SEC24C: variants seen among roughly 807,000 people sequenced by gnomAD.
The protein encoded by SEC24C is SEC24 homolog C, COPII component.
In SEC24C, 22 loss-of-function variants were observed where a neutral mutation model predicts 117.0. The observed-to-expected ratio is 0.19, with a 90% CI of 0.13 to 0.27. The LOEUF is 0.27. Among genes scored for constraint, SEC24C ranks in the 10% least tolerant of loss-of-function variants. SEC24C has a pLI of 1.00. For synonymous variants in SEC24C, 506 were observed against 529.4 expected, an observed-to-expected ratio of 0.96 and a Z score of 0.61; for missense variants, 1,155 against 1,375.1, an observed-to-expected ratio of 0.84 and a Z score of 2.53.
intron 13 of SEC24C, 94 bp downstream of exon 13, chr10:73,766,947 T>TCTGTAGACAGTA (rs2132571007): frequency 2.9e-6 from 4 of 1,384,832 alleles, no homozygotes; most frequent in East Asian, 4.6e-5. Flanking sequence ...CAGTAGTGGG[T>TCTGTAGACAGTA]GACTGTCCAG....
At chr10:73,761,565 A>G (rs2082796717) in intron 6 of SEC24C, among the ~76,000 whole-genome samples, 1 of 152,132 alleles carries the variant, frequency 6.6e-6, no homozygotes, top group Non-Finnish European at 1.5e-5. Flanking sequence ...TTACCTTGCC[A>G]TGCTTAGCCA....
Position 73,766,382 on chromosome 10 carries a change from T to C in SEC24C, c.1640T>C (p.Val547Ala). 6.2e-7 allele frequency: 1 copy of C among 1,611,776 alleles called. No homozygotes were observed. The highest frequency in any genetic ancestry group is 1.3e-5 in the African/African-American group (1 of 74,990). Residue 547 changes from valine to alanine, a missense_variant, in exon 12 of 23, where the codon GTT (valine) becomes GCT (alanine). Val to Ala is a moderately conservative substitution (Grantham distance 64). Coordinates refer to ENST00000345254, the MANE Select transcript of SEC24C (RefSeq NM_198597.3). Reference sequence around the variant, plus strand: ...GGGGCAGAAGAGTCAGCAATCCGCGTTGGCTTTGTCACCTACAATAAGGTG... The same window carrying C: ...GGGGCAGAAGAGTCAGCAATCCGCGCTGGCTTTGTCACCTACAATAAGGTG... ...EGGAEESAIR[V>A]GFVTYNKVLH...
chr10:73,770,621 G>A (rs993878783), intron 21 of SEC24C, 88 bp from the exon 22 acceptor site: 1 of 1,526,744 alleles, frequency 6.5e-7, no homozygotes, highest in Non-Finnish European at 9.1e-7. Context: ...AGGTTTGCCT[G>A]TTTCAGATGA....
At chr10:73,763,723 C>T (rs1190216084) in intron 7 of SEC24C, 122 bp downstream of exon 7, 8 of 570,262 alleles carry the variant, frequency 1.4e-5, no homozygotes, top group Non-Finnish European at 2.2e-5. Flanking sequence ...AGACAAGTTC[C>T]CTCTAGTCCC....
chr10:73,765,700 G>A lies in SEC24C; in HGVS notation c.1367-100G>A, dbSNP rs1405619053. 8 of 1,563,866 alleles carry A rather than the reference G, an allele frequency of 5.1e-6. No homozygotes were observed. The South Asian group carries it at 7.9e-5, about 16-fold the overall frequency. On this transcript the variant is annotated intron_variant, in intron 9 of 22. Coordinates refer to ENST00000345254, the MANE Select transcript of SEC24C (RefSeq NM_198597.3). ...CATCTTTCAGGAGCTGGGGAAGTAGGGCACATGGGAATGAGGGATAGTGGT... is the reference window on the plus strand; with the variant it reads ...CATCTTTCAGGAGCTGGGGAAGTAGAGCACATGGGAATGAGGGATAGTGGT...
rs369811966 is a variant in SEC24C, at chr10:73,769,619, T to C, written c.2568T>C (p.Tyr856=). The C allele has an allele frequency of 6.2e-7, 1 of 1,613,868 alleles. No individual in the cohort carries two copies. The highest frequency in any genetic ancestry group is 1.3e-5 in the African/African-American group (1 of 74,874). The change falls in exon 19 of 23, where the codon TAT becomes TAC. Residue 856 remains tyrosine, a synonymous_variant. Transcript: ENST00000345254. This position sits in a 1 kb window ranked among gnomAD's most constrained non-coding sequence, Gnocchi z 4.5. The part of the protein sequence containing the change: ...TLINYMAKFA[Y]RGVLNSPVKA... ...TATCTTTGCTTTCCCATCCAGCATA[T>C]CGGGGAGTCCTGAATAGCCCTGTGA...
chr10:73,764,065 A>G (rs2132560979), intron 8 of SEC24C, 82 bp downstream of exon 8: 2 of 1,466,674 alleles, frequency 1.4e-6, no homozygotes, highest in Non-Finnish European at 1.8e-6. Flanking sequence ...ATGTGATTCC[A>G]GCTTCACAAT....
At position 73,771,175 on chromosome 10, in the gene SEC24C, ATATCT is replaced by A. The variant is rs1477105355; in HGVS notation, c.*84_*88del. The A allele has an allele frequency of 2.0e-5, 31 of 1,515,646 alleles. No individual in the cohort carries two copies. Among genetic ancestry groups the A allele is most frequent in the Non-Finnish European group, 2.8e-5 (31 of 1,114,196 alleles). 93.9% of individuals were successfully genotyped at this position (1,515,646 alleles called of 1,614,324 possible). A position where few individuals can be genotyped will look rare whatever the true frequency, so the allele number is the denominator to read the frequency against. ...ATGTCAGAGAAATTGGGACAGTAAC[ATATCT>A]TATGTAAGCTGACCTCAGTCTCTCT... On this transcript the variant is annotated 3_prime_UTR_variant, in exon 23 of 23. Coordinates refer to ENST00000345254, the MANE Select transcript of SEC24C (RefSeq NM_198597.3).
At chr10:73,746,514 C>A in intron 1 of SEC24C, 1 of 222,340 alleles carries the variant, frequency 4.5e-6, no homozygotes, top group Non-Finnish European at 8.8e-6. Context: ...GAAATCATAC[C>A]ACTGGGGAAT....
At chr10:73,757,504 C>G (rs2082727849) in intron 3 of SEC24C, among the ~76,000 whole-genome samples, 1 of 149,728 alleles carries the variant, frequency 6.7e-6, no homozygotes, top group African/African-American at 2.5e-5. Flanking sequence ...GAGTGAGACC[C>G]TGTCTCAAAA....
At chr10:73,762,551 T>G (rs2082814001) in intron 6 of SEC24C, among the ~76,000 whole-genome samples, 1 of 152,190 alleles carries the variant, frequency 6.6e-6, no homozygotes, top group Non-Finnish European at 1.5e-5. Context: ...TAGCCTGTTG[T>G]GGAGAAATAT....
At position 73,770,260 on chromosome 10, in the gene SEC24C, G is replaced by A. The variant is rs957271263; in HGVS notation, c.2863-20G>A. 3.2e-6 allele frequency: 5 copies of A among 1,581,216 alleles called. No homozygotes were observed. In the Admixed American group the frequency reaches 7.3e-5, roughly 23 times the overall value. On this transcript the variant is annotated intron_variant, in intron 20 of 22. Coordinates refer to ENST00000345254, the MANE Select transcript of SEC24C (RefSeq NM_198597.3). Reference sequence around the variant, plus strand: ...GTCTTATGGTCCTTGGTAACCTTTTGCTCCCTTCCTTTTGTCTAGACAAAG... The same window carrying A: ...GTCTTATGGTCCTTGGTAACCTTTTACTCCCTTCCTTTTGTCTAGACAAAG...
Position 73,760,404 on chromosome 10 carries a change from T to G in SEC24C, c.850+18T>G, listed in dbSNP as rs2082780587. Reference sequence around the variant, plus strand: ...ACAAAATGGTGAGTCTTTCCCAAGGTCTGTCTTAGAAGCTAGAGGCTTCAG... The same window carrying G: ...ACAAAATGGTGAGTCTTTCCCAAGGGCTGTCTTAGAAGCTAGAGGCTTCAG... On this transcript the variant is annotated intron_variant, in intron 5 of 22. Coordinates refer to ENST00000345254, the MANE Select transcript of SEC24C (RefSeq NM_198597.3). The G allele has an allele frequency of 6.4e-7, 1 of 1,569,694 alleles. No individual in the cohort carries two copies. Among genetic ancestry groups the G allele is most frequent in the Admixed American group, 1.8e-5 (1 of 56,594 alleles).
intron 5 of SEC24C, 43 bp from the exon 6 acceptor site, chr10:73,760,670 G>C (rs759556858): frequency 5.2e-6 from 8 of 1,534,608 alleles, no homozygotes; most frequent in Middle Eastern, 1.8e-4. Flanking sequence ...AGAAGAGATA[G>C]GGATGGGATT....
chr10:73,769,128 T>C lies in SEC24C; in HGVS notation c.2400T>C (p.Asn800=), dbSNP rs1016110332. 3.7e-6 allele frequency: 6 copies of C among 1,614,124 alleles called. No individual in the cohort carries two copies. The East Asian group carries it at 6.7e-5, about 18-fold the overall frequency. Reference sequence around the variant, plus strand: ...AGTTCAAGCATGACGATCGGCTCAATGAAGAGAGCGGAGCTCTCCTGCAGG... The same window carrying C: ...AGTTCAAGCATGACGATCGGCTCAACGAAGAGAGCGGAGCTCTCCTGCAGG... ...TVEFKHDDRL[N]EESGALLQCA... is the part of the protein sequence containing the mutation. The change falls in exon 17 of 23, where the codon AAT becomes AAC. Residue 800 remains asparagine, a synonymous_variant. Transcript: ENST00000345254. The surrounding 1 kb of genome is among the most constrained non-coding windows in gnomAD (Gnocchi z 4.5).
In SEC24C at chr10:73,760,368, T is replaced by C. The variant is rs747634603; in HGVS notation, c.832T>C (p.Tyr278His). ...TATGCACTCCCCGCAGCAGCCAGGC[T>C]ATCAGCCCCAACAAAATGGTGAGTC... ...PPMHSPQQPG[Y>H]QPQQNGSFGP... The change falls in exon 5 of 23, where the codon TAT (tyrosine) becomes CAT (histidine). Residue 278 changes from tyrosine (Y) to histidine (H), a missense_variant. Coordinates refer to ENST00000345254, the MANE Select transcript of SEC24C (RefSeq NM_198597.3). The C allele has an allele frequency of 3.8e-6, 6 of 1,595,762 alleles. No individual in the cohort carries two copies. The highest frequency in any genetic ancestry group is 5.1e-6 in the Non-Finnish European group (6 of 1,172,230).
intron 2 of SEC24C, among the ~76,000 whole-genome samples, chr10:73,749,539 CTTT>C (rs1163386772): frequency 7.2e-6 from 1 of 139,492 alleles, no homozygotes. Flanking sequence ...TTTTCTTTTT[CTTT>C]TTTTTTTTTT....
intron 6 of SEC24C, 80 bp from the exon 7 acceptor site, chr10:73,763,410 T>C: frequency 1.1e-6 from 1 of 943,918 alleles, no homozygotes; most frequent in East Asian, 2.4e-5. Flanking sequence ...GTTACAGCTC[T>C]AGCCTTTTTC....
At position 73,772,096 on chromosome 10, in the gene SEC24C, C is replaced by T. The variant is rs16930885; in HGVS notation, c.*1001C>T. 3 of 408,074 alleles carry T rather than the reference C, an allele frequency of 7.4e-6. No individual in the cohort carries two copies. The highest frequency in any genetic ancestry group is 1.3e-5 in the Non-Finnish European group (3 of 231,792). The allele number at this position is 408,074 out of a possible 1,614,324, so 25.3% of individuals were successfully genotyped here. ...TGCCCCTGCTCTGGACCTCTCATTT[C>T]TCTTCATTGGTTTATTTTTCAATGC... On this transcript the variant is annotated 3_prime_UTR_variant, in exon 23 of 23. Coordinates refer to ENST00000345254, the MANE Select transcript of SEC24C (RefSeq NM_198597.3).
Sources: allele counts gnomAD v4.1 joint callset (sites outside exome capture counted in the v4.1 genomes callset), GRCh38; gene constraint gnomAD v4.1.1; non-coding constraint Gnocchi (gnomAD v3.1); transcripts MANE v1.5; gene names NCBI Gene and HGNC (gene_info 2026-07-23, HGNC 2026-07-21).